Variants in SANBR observed in about 807,000 individuals in gnomAD.
SANBR encodes SANT and BTB domain regulator of class switch recombination.
Under a neutral mutation model 101.8 loss-of-function variants are expected in SANBR, and 77 were observed. That is an observed-to-expected ratio of 0.76 (90% CI 0.63 to 0.91). The LOEUF is 0.91. Among genes scored for constraint, SANBR ranks in the 40% least tolerant of loss-of-function variants. SANBR has a pLI of 0.00. For missense variants in SANBR, 875 were observed against 853.0 expected (o/e 1.03, Z -0.32); for synonymous variants, 279 against 274.7 (o/e 1.02, Z -0.15).
chr2:61,079,186 T>G (rs761942208), intron 6 of SANBR, among the ~76,000 whole-genome samples: 2 of 152,138 alleles, frequency 1.3e-5, no homozygotes, highest in Non-Finnish European at 2.9e-5. Context: ...ACAACCCACA[T>G]AAAGAAAAAC....
intron 20 of SANBR, among the ~76,000 whole-genome samples, chr2:61,131,402 A>G (rs1368148616): frequency 6.6e-6 from 1 of 152,236 alleles, no homozygotes; most frequent in Non-Finnish European, 1.5e-5. Flanking sequence ...TATAGTAGCA[A>G]TGAAAAATCT....
chr2:61,126,877 T>C (rs1573679306), downstream of SANBR, among the ~76,000 whole-genome samples: 1 of 152,162 alleles, frequency 6.6e-6, no homozygotes, highest in Non-Finnish European at 1.5e-5. Flanking sequence ...CGCTGGAATA[T>C]AGTAAGTCAT....
intron 20 of SANBR, among the ~76,000 whole-genome samples, chr2:61,130,022 G>A (rs1215807481): frequency 6.6e-6 from 1 of 151,854 alleles, no homozygotes; most frequent in Non-Finnish European, 1.5e-5. Context: ...ATATCTCTTT[G>A]GAATTTATTA....
At chr2:61,100,898 C>T (rs1191464893) in intron 12 of SANBR, among the ~76,000 whole-genome samples, 4 of 152,052 alleles carry the variant, frequency 2.6e-5, no homozygotes. Context: ...CCCTTGTCTG[C>T]GTGAGTACAG....
chr2:61,072,459 C>T (rs937688064), intron 4 of SANBR, among the ~76,000 whole-genome samples: 1 of 152,026 alleles, frequency 6.6e-6, no homozygotes, highest in Admixed American at 6.6e-5. Flanking sequence ...CACCTGTGAT[C>T]CTAGCTACTT....
In SANBR at chr2:61,068,939, C is replaced by G. The variant is rs1210829642; in HGVS notation, c.-56C>G. On this transcript the variant is annotated 5_prime_UTR_variant, in exon 2 of 22. Transcript: ENST00000402291. ...CGATGCAAACTTGGACAGTCTGACT[C>G]CAGAGTCTGCACACTTAACCACTCC... 1.3e-5 allele frequency: 2 copies of G among 152,330 alleles called. No homozygotes were observed. Among genetic ancestry groups the G allele is most frequent in the Non-Finnish European group, 2.9e-5 (2 of 68,034 alleles). 9.4% of individuals were successfully genotyped at this position (152,330 alleles called of 1,614,324 possible).
chr2:61,135,756 T>C (rs549875872), intron 21 of SANBR, among the ~76,000 whole-genome samples: 18 of 152,260 alleles, frequency 1.2e-4, no homozygotes, highest in African/African-American at 4.1e-4. Context: ...AACAGAATAC[T>C]GGGAAATAGC....
At chr2:61,127,217 C>T (rs1432162181), downstream of SANBR, among the ~76,000 whole-genome samples, 1 of 152,186 alleles carries the variant, frequency 6.6e-6, no homozygotes, top group Non-Finnish European at 1.5e-5. Flanking sequence ...ACACTAAAAA[C>T]CTTTCCTCTG....
chr2:61,115,717 A>G (rs7584597), intron 16 of SANBR: 10,107 of 237,908 alleles, frequency 0.042, 1,090 homozygotes, highest in African/African-American at 0.22. Flanking sequence ...ATGCCACTGC[A>G]CTCCAGCATG....
chr2:61,125,819 C>T (rs573249075), downstream of SANBR, among the ~76,000 whole-genome samples: 1 of 152,070 alleles, frequency 6.6e-6, no homozygotes, highest in Non-Finnish European at 1.5e-5. Context: ...TGGGCATTAT[C>T]CTCATTTTAC....
At chr2:61,082,733 C>G (rs6751720) in intron 7 of SANBR, among the ~76,000 whole-genome samples, 1 of 152,078 alleles carries the variant, frequency 6.6e-6, no homozygotes, top group Non-Finnish European at 1.5e-5. Flanking sequence ...GCAGGAGAAT[C>G]GCTTGAACCC....
intron 6 of SANBR, among the ~76,000 whole-genome samples, chr2:61,080,080 C>A (rs1682021098): frequency 6.6e-6 from 1 of 151,492 alleles, no homozygotes; most frequent in East Asian, 1.9e-4. Flanking sequence ...GCCTGTAGTC[C>A]CAGCTACTCG....
intron 20 of SANBR, among the ~76,000 whole-genome samples, chr2:61,130,239 A>C (rs567955146): frequency 1.3e-5 from 2 of 152,130 alleles, no homozygotes; most frequent in Non-Finnish European, 2.9e-5. Context: ...GCTCCAGGCA[A>C]CAACTGGGAT....
At chr2:61,091,573 C>T (rs1033759625) in intron 10 of SANBR, among the ~76,000 whole-genome samples, 5 of 140,344 alleles carry the variant, frequency 3.6e-5, no homozygotes, top group African/African-American at 1.1e-4. Context: ...CCAGCCTGGG[C>T]GAAAGAGTGA....
chr2:61,105,979 C>A (rs13431113), intron 13 of SANBR, among the ~76,000 whole-genome samples: 1 of 152,106 alleles, frequency 6.6e-6, no homozygotes, highest in Non-Finnish European at 1.5e-5. Flanking sequence ...CAAGGCTGTT[C>A]TTAAAGCAGT....
At chr2:61,105,107 G>A (rs1164261521) in intron 13 of SANBR, among the ~76,000 whole-genome samples, 7 of 148,214 alleles carry the variant, frequency 4.7e-5, no homozygotes, top group East Asian at 2.1e-4. Flanking sequence ...TTAGCCAGGC[G>A]TGGTGGCTCA....
intron 13 of SANBR, 33 bp downstream of exon 13, chr2:61,104,031 A>G: frequency 6.3e-7 from 1 of 1,585,886 alleles, no homozygotes; most frequent in Non-Finnish European, 8.6e-7. Flanking sequence ...ACTGTATTAT[A>G]GCTTTATTCA....
intron 8 of SANBR, among the ~76,000 whole-genome samples, chr2:61,084,016 T>C (rs902978132): frequency 7.9e-5 from 12 of 152,100 alleles, no homozygotes; most frequent in African/African-American, 2.9e-4. Context: ...TGGAGTGCAG[T>C]AGCAAGATAC....
intron 8 of SANBR, among the ~76,000 whole-genome samples, chr2:61,083,864 G>A (rs186045983): frequency 0.019 from 2,854 of 147,972 alleles, 46 homozygotes; most frequent in Non-Finnish European, 0.029. Context: ...GCGAGACTCC[G>A]TCTCAAAAAA....
Sources: gnomAD v4.1 joint callset for allele counts (sites outside exome capture counted in the v4.1 genomes callset) on GRCh38, gnomAD v4.1.1 for gene constraint, MANE v1.5 for transcripts, NCBI Gene and HGNC (gene_info 2026-07-23, HGNC 2026-07-21) for gene names.